ARID2: variants seen among roughly 807,000 people sequenced by gnomAD.
The protein encoded by ARID2 is AT-rich interaction domain 2.
In ARID2, 32 loss-of-function variants were observed where a neutral mutation model predicts 184.6. The ratio of observed to expected loss-of-function variants is 0.17; its 90% confidence interval spans 0.13 to 0.23. ARID2 has a LOEUF of 0.23. Among genes scored for constraint, ARID2 ranks in the 10% least tolerant of loss-of-function variants. ARID2 has a pLI of 1.00. For missense variants in ARID2, 1,696 were observed against 2,197.6 expected (o/e 0.77, Z 4.56); for synonymous variants, 836 against 772.6 (o/e 1.08, Z -1.36).
At chr12:45,871,124 G>A (rs922997536) in intron 16 of ARID2, among the ~76,000 whole-genome samples, 1 of 152,238 alleles carries the variant, frequency 6.6e-6, no homozygotes, top group Non-Finnish European at 1.5e-5. Flanking sequence ...CCAACATTTA[G>A]TTTTGTCAGT....
chr12:45,839,156 G>A (rs1414599502), intron 10 of ARID2, among the ~76,000 whole-genome samples, 173 bp from the exon 11 acceptor site: 2 of 151,712 alleles, frequency 1.3e-5, no homozygotes, highest in African/African-American at 2.4e-5. Context: ...GAGCCGCCAC[G>A]CCCAGCCTAA....
intron 5 of ARID2, among the ~76,000 whole-genome samples, chr12:45,820,322 G>GT (rs1289505209): frequency 2.0e-5 from 3 of 151,866 alleles, no homozygotes; most frequent in African/African-American, 7.3e-5. Flanking sequence ...TAAATATTTT[G>GT]TAAGATGAAA....
intron 20 of ARID2, among the ~76,000 whole-genome samples, chr12:45,900,042 A>G (rs1944437460): frequency 6.6e-6 from 1 of 151,698 alleles, no homozygotes; most frequent in African/African-American, 2.4e-5. Flanking sequence ...GTGCTATACT[A>G]TTATGTTTTT....
intron 15 of ARID2, among the ~76,000 whole-genome samples, chr12:45,859,355 A>C (rs1404042281): frequency 6.6e-6 from 1 of 152,206 alleles, no homozygotes; most frequent in Non-Finnish European, 1.5e-5. Context: ...GGTATGTAGT[A>C]GGCTATATCA....
chr12:45,898,211 T>C (rs541088708), intron 20 of ARID2, among the ~76,000 whole-genome samples: 2 of 152,330 alleles, frequency 1.3e-5, no homozygotes, highest in East Asian at 1.9e-4. Flanking sequence ...ATTTCACTTA[T>C]GAGATACCTA....
At chr12:45,766,596 C>A (rs1437425590) in intron 3 of ARID2, among the ~76,000 whole-genome samples, 1 of 151,698 alleles carries the variant, frequency 6.6e-6, no homozygotes, top group African/African-American at 2.4e-5. Flanking sequence ...TCACTGCAAG[C>A]TCCGCCTCCT....
chr12:45,810,488 ATTAAGT>A (rs1942686855), intron 3 of ARID2, among the ~76,000 whole-genome samples: 1 of 152,224 alleles, frequency 6.6e-6, no homozygotes, highest in Non-Finnish European at 1.5e-5. Context: ...AAGTGTACAG[ATTAAGT>A]TTATTACCAA....
intron 6 of ARID2, among the ~76,000 whole-genome samples, chr12:45,822,188 A>C (rs1465725922): frequency 1.3e-5 from 2 of 152,064 alleles, no homozygotes; most frequent in East Asian, 1.9e-4. Flanking sequence ...TTCTAAATCT[A>C]TCCACTTTGT....
intron 20 of ARID2, among the ~76,000 whole-genome samples, chr12:45,898,191 A>G (rs1474259599): frequency 6.6e-6 from 1 of 152,182 alleles, no homozygotes; most frequent in Non-Finnish European, 1.5e-5. Flanking sequence ...AAGGACAAAT[A>G]TATGGTATGA....
intron 3 of ARID2, among the ~76,000 whole-genome samples, chr12:45,733,422 A>G (rs549325440): frequency 3.2e-4 from 49 of 152,334 alleles, no homozygotes; most frequent in Non-Finnish European, 2.1e-4. Context: ...TCATAGTAAG[A>G]AATAGTAATC....
chr12:45,907,988 A>T lies in ARID2; in HGVS notation c.*2910A>T, dbSNP rs1030694696. Reference sequence around the variant, plus strand: ...CGTCTCATTACTTTATAGTCATGTCATGTATGTTTTTTTAACCATGAAATG... The same window carrying T: ...CGTCTCATTACTTTATAGTCATGTCTTGTATGTTTTTTTAACCATGAAATG... On this transcript the variant is annotated 3_prime_UTR_variant, in exon 21 of 21. Transcript: ENST00000334344. 4 of 229,292 alleles carry T rather than the reference A, an allele frequency of 1.7e-5. No homozygotes were observed. The highest frequency in any genetic ancestry group is 1.1e-4 in the Admixed American group (2 of 17,692). 14.2% of individuals were successfully genotyped at this position (229,292 alleles called of 1,614,324 possible).
intron 6 of ARID2, among the ~76,000 whole-genome samples, chr12:45,823,846 T>C (rs1026632497): frequency 1.3e-5 from 2 of 152,134 alleles, no homozygotes; most frequent in African/African-American, 4.8e-5. Flanking sequence ...GCTGAATTCT[T>C]CCAAACTTAT....
At chr12:45,904,676 T>A in intron 20 of ARID2, among the ~76,000 whole-genome samples, 1 of 115,828 alleles carries the variant, frequency 8.6e-6, no homozygotes, top group Admixed American at 1.2e-4. Context: ...GGCAATAGAG[T>A]GAGACTCCTT....
At chr12:45,821,340 T>C (rs1942890934) in intron 5 of ARID2, 80 bp from the exon 6 acceptor site, 6 of 865,090 alleles carry the variant, frequency 6.9e-6, no homozygotes, top group Non-Finnish European at 1.0e-5. Context: ...TTGTTGTTTT[T>C]CCAAGCCTAT....
intron 3 of ARID2, among the ~76,000 whole-genome samples, chr12:45,803,581 T>C (rs577984068): frequency 1.3e-5 from 2 of 152,286 alleles, no homozygotes; most frequent in Non-Finnish European, 2.9e-5. Context: ...AGGTTAATCA[T>C]TGTGGGGGCA....
At chr12:45,738,049 C>A (rs2137973462) in intron 3 of ARID2, among the ~76,000 whole-genome samples, 1 of 151,910 alleles carries the variant, frequency 6.6e-6, no homozygotes, top group East Asian at 1.9e-4. Context: ...TCACTTATTC[C>A]TAATTGGAGA....
chr12:45,771,457 G>T (rs577768863), intron 3 of ARID2, among the ~76,000 whole-genome samples: 1 of 151,102 alleles, frequency 6.6e-6, no homozygotes, highest in Non-Finnish European at 1.5e-5. Flanking sequence ...CAGAGGCCAG[G>T]AGTTTGAGAG....
chr12:45,730,328 CGGCGGGCGCGG>C (rs1357011636), intron 2 of ARID2, among the ~76,000 whole-genome samples, 191 bp downstream of exon 2: 1 of 146,960 alleles, frequency 6.8e-6, no homozygotes, highest in African/African-American at 2.4e-5. Context: ...CGCGTGCGCG[CGGCGGGCGCGG>C]GGCTCCGGCG....
At chr12:45,793,746 C>T (rs1376830260) in intron 3 of ARID2, among the ~76,000 whole-genome samples, 1 of 150,126 alleles carries the variant, frequency 6.7e-6, no homozygotes, top group African/African-American at 2.4e-5. Flanking sequence ...TATATATACA[C>T]TTTTTTTTTC....
Sources: allele counts gnomAD v4.1 joint callset (sites outside exome capture counted in the v4.1 genomes callset), GRCh38; gene constraint gnomAD v4.1.1; transcripts MANE v1.5; gene names NCBI Gene and HGNC (gene_info 2026-07-23, HGNC 2026-07-21).